CYREN: variants seen among roughly 807,000 people sequenced by gnomAD.
CYREN encodes cell cycle regulator of NHEJ, also known as cell cycle regulator of non-homologous end joining.
In CYREN, 7 loss-of-function variants were observed where a neutral mutation model predicts 9.7. The ratio of observed to expected loss-of-function variants is 0.72; its 90% CI spans 0.41 to 1.36. CYREN has a LOEUF of 1.36. Among genes scored for constraint, CYREN ranks in the 40% most tolerant of loss-of-function variants. CYREN has a pLI of 0.01. For missense variants in CYREN, 215 were observed against 198.1 expected (o/e 1.09, Z -0.51); for synonymous variants, 76 against 77.9 (o/e 0.98, Z 0.13).
chr7:135,137,505 G>A (rs1364832270), intron 2 of CYREN, among the ~76,000 whole-genome samples: 2 of 151,748 alleles, frequency 1.3e-5, no homozygotes, highest in Non-Finnish European at 1.5e-5. Context: ...TTCTCAAAAT[G>A]AACGACACCA....
chr7:135,146,485 C>CT (rs1829550395), intron 2 of CYREN, among the ~76,000 whole-genome samples: 1 of 152,046 alleles, frequency 6.6e-6, no homozygotes, highest in Admixed American at 6.6e-5. Context: ...TGCAAAAATG[C>CT]CACAAATCCT....
intron 2 of CYREN, chr7:135,128,963 C>T: frequency 2.5e-6 from 4 of 1,581,256 alleles, no homozygotes; most frequent in Non-Finnish European, 3.5e-6. Flanking sequence ...GTAGTGAATG[C>T]ATGTACTTCT....
chr7:135,162,064 C>T (rs1829955394), downstream of CYREN, among the ~76,000 whole-genome samples: 1 of 152,252 alleles, frequency 6.6e-6, no homozygotes, highest in Admixed American at 6.5e-5. Context: ...TTTTGGCATA[C>T]ACCTAGGTCC....
chr7:135,170,914 C>T (rs1447973388), upstream of CYREN: 1 of 152,246 alleles, frequency 6.6e-6, no homozygotes, highest in Non-Finnish European at 1.5e-5. Flanking sequence ...GTTGGCTGCG[C>T]GCTGGGAACG....
intron 2 of CYREN, among the ~76,000 whole-genome samples, chr7:135,096,742 T>TGAAAGAAAGAAAGAAAGAAAGAAAGAAA (rs3038284): frequency 3.0e-5 from 3 of 101,186 alleles, no homozygotes; most frequent in South Asian, 4.0e-4. Flanking sequence ...AGAGAAAGAA[T>TGAAAGAAAGAAAGAAAGAAAGAAAGAAA]GAAAGAAAGA....
Position 135,166,828 on chromosome 7 carries a change from C to A in CYREN, c.257G>T (p.Gly86Val). Residue 86 changes from glycine to valine, a missense_variant, in exon 4 of 4, where the codon GGG (glycine) becomes GTG (valine). Coordinates refer to ENST00000393114, the MANE Select transcript of CYREN (RefSeq NM_024033.4). ...AGGGGAGTGCTCTGGGTTATCAGCC[C>A]CCGCCAGGGCCGGCTGCTCGCAGGC... ...EKACEQPALA[G>V]ADNPEHSPPC... The A allele has an allele frequency of 6.2e-7, 1 of 1,614,152 alleles. No homozygotes were observed. Among genetic ancestry groups the A allele is most frequent in the South Asian group, 1.1e-5 (1 of 91,084 alleles).
intron 2 of CYREN, among the ~76,000 whole-genome samples, chr7:135,130,795 C>A (rs1005092229): frequency 2.0e-5 from 3 of 152,084 alleles, no homozygotes; most frequent in African/African-American, 7.2e-5. Context: ...TGGCTTCATA[C>A]TCTTTTTTTG....
chr7:135,093,978 A>G (rs1822255058), exon 3 of CYREN: 1 of 171,374 alleles, frequency 5.8e-6, no homozygotes, highest in Admixed American at 5.8e-5. Context: ...CAAAGATGCC[A>G]GGACAATTGG....
intron 2 of CYREN, among the ~76,000 whole-genome samples, chr7:135,108,442 T>G (rs1825100810): frequency 6.6e-6 from 1 of 152,168 alleles, no homozygotes; most frequent in Non-Finnish European, 1.5e-5. Flanking sequence ...CTAAAATGGA[T>G]CTTATTTCTC....
chr7:135,156,378 C>G (rs1829792570), intron 2 of CYREN, among the ~76,000 whole-genome samples: 1 of 152,102 alleles, frequency 6.6e-6, no homozygotes, highest in Admixed American at 6.6e-5. Context: ...CCAGACATCT[C>G]AAAGGCTTTA....
intron 2 of CYREN, among the ~76,000 whole-genome samples, chr7:135,110,043 G>A (rs1825384697): frequency 6.6e-6 from 1 of 152,066 alleles, no homozygotes. Context: ...TAGGGTGGCT[G>A]CACCAAAGGC....
chr7:135,099,541 G>A (rs902374226), intron 2 of CYREN, among the ~76,000 whole-genome samples: 12 of 152,204 alleles, frequency 7.9e-5, no homozygotes, highest in Non-Finnish European at 1.3e-4. Flanking sequence ...ATACCTGAAC[G>A]AGCCCCTTCT....
chr7:135,133,169 T>C (rs534952787), intron 2 of CYREN, among the ~76,000 whole-genome samples: 1 of 152,294 alleles, frequency 6.6e-6, no homozygotes, highest in African/African-American at 2.4e-5. Flanking sequence ...ATTGCTCTTC[T>C]ATAAATAAGC....
intron 2 of CYREN, among the ~76,000 whole-genome samples, chr7:135,132,122 C>A (rs1050803657): frequency 6.6e-6 from 1 of 152,114 alleles, no homozygotes; most frequent in African/African-American, 2.4e-5. Context: ...CAATTCTATA[C>A]AATTTCTTCC....
At chr7:135,116,558 A>G (rs2348279) in intron 2 of CYREN, among the ~76,000 whole-genome samples, 73,737 of 152,006 alleles carry the variant, frequency 0.49, 18,255 homozygotes, top group South Asian at 0.65. Context: ...TCCATTGAGT[A>G]TGGAAATCTC....
At chr7:135,162,986 C>T (rs1829984791), downstream of CYREN, among the ~76,000 whole-genome samples, 1 of 152,198 alleles carries the variant, frequency 6.6e-6, no homozygotes, top group South Asian at 2.1e-4. Flanking sequence ...AGCAAGATCA[C>T]TAAAAGATAT....
chr7:135,170,402 T>TGG (rs1830570230), intron 1 of CYREN: 3 of 152,228 alleles, frequency 2.0e-5, no homozygotes, highest in Non-Finnish European at 4.4e-5. Context: ...CGCCGACCTG[T>TGG]GGGAGGCCCA....
At chr7:135,104,780 T>C (rs1278192521) in intron 2 of CYREN, among the ~76,000 whole-genome samples, 1 of 151,816 alleles carries the variant, frequency 6.6e-6, no homozygotes, top group African/African-American at 2.4e-5. Context: ...CTGTTTGGTT[T>C]TTTTTTTTCT....
chr7:135,166,326 T>G lies in CYREN; in HGVS notation c.*285A>C. 3.0e-6 allele frequency: 1 copy of G among 329,372 alleles called. No individual in the cohort carries two copies. The allele number at this position is 329,372 out of a possible 1,614,324, so 20.4% of individuals were successfully genotyped here. A position where few individuals can be genotyped will look rare whatever the true frequency, so the allele number is the denominator to read the frequency against. On this transcript the variant is annotated 3_prime_UTR_variant, in exon 4 of 4. Coordinates refer to ENST00000393114, the MANE Select transcript of CYREN (RefSeq NM_024033.4). The stretch of plus-strand genomic sequence containing the variant: ...CCTGGTCACTGACTAACACAGACAA[T>G]TGGGACTCCAGAGCCTCAAGAGCCA...
Sources: gnomAD v4.1 joint callset for allele counts (sites outside exome capture counted in the v4.1 genomes callset) on GRCh38, gnomAD v4.1.1 for gene constraint, MANE v1.5 for transcripts, NCBI Gene and HGNC (gene_info 2026-07-23, HGNC 2026-07-21) for gene names.